Variants in KHDRBS2 observed in about 807,000 individuals in gnomAD.
KHDRBS2 encodes KH domain-containing, RNA-binding, signal transduction-associated protein 2.
Under a neutral mutation model 44.3 loss-of-function variants are expected in KHDRBS2, and 26 were observed. That is an observed-to-expected ratio of 0.59 (90% CI 0.43 to 0.81). The LOEUF (loss-of-function observed/expected upper bound fraction) is 0.81. Ranked by LOEUF, KHDRBS2 falls within the 40% of genes least tolerant of loss-of-function variation. The pLI, the probability that KHDRBS2 is intolerant of heterozygous loss-of-function variation, is 0.00. For synonymous variants in KHDRBS2, 194 were observed against 151.1 expected (o/e 1.28, Z -2.08); for missense variants, 476 against 433.1 (o/e 1.10, Z -0.88).
chr6:61,669,842 A>T, the KHDRBS2 span, among the ~76,000 whole-genome samples: 2 of 151,026 alleles, frequency 1.3e-5, no homozygotes, highest in Non-Finnish European at 3.0e-5. Flanking sequence ...ACATGATACA[A>T]CTTTAATCAT....
chr6:61,763,516 C>T (rs1375268952), intron 6 of KHDRBS2, among the ~76,000 whole-genome samples: 2 of 152,092 alleles, frequency 1.3e-5, no homozygotes, highest in Non-Finnish European at 2.9e-5. Context: ...AATTTCCGAC[C>T]AAGTTCTAAA....
chr6:61,676,977 C>T (rs394799), downstream of KHDRBS2, among the ~76,000 whole-genome samples: 123,747 of 151,842 alleles, frequency 0.81, 51,191 homozygotes, highest in Non-Finnish European at 0.9. Context: ...ATCAGGCTTA[C>T]GTTACTCAAA....
intron 4 of KHDRBS2, among the ~76,000 whole-genome samples, chr6:61,930,192 C>A (rs1182648650): frequency 2.0e-5 from 3 of 152,096 alleles, no homozygotes; most frequent in Non-Finnish European, 4.4e-5. Context: ...CTCTACCAGA[C>A]AACAAACCTG....
intron 3 of KHDRBS2, among the ~76,000 whole-genome samples, chr6:62,002,685 G>A (rs1476109791): frequency 6.6e-6 from 1 of 150,912 alleles, no homozygotes; most frequent in African/African-American, 2.4e-5. Context: ...TTACAAAGAA[G>A]GTAATATAAA....
the KHDRBS2 span, among the ~76,000 whole-genome samples, chr6:61,661,802 C>T: frequency 9.2e-5 from 14 of 151,934 alleles, no homozygotes; most frequent in Non-Finnish European, 1.9e-4. Context: ...GAATCAATAT[C>T]GTGAAAATGG....
At chr6:61,776,531 G>A (rs1265287998) in intron 6 of KHDRBS2, among the ~76,000 whole-genome samples, 1 of 152,172 alleles carries the variant, frequency 6.6e-6, no homozygotes, top group East Asian at 1.9e-4. Flanking sequence ...AAGAACACAT[G>A]AAAAAATGCT....
At chr6:61,725,938 ACTC>A (rs1279230698) in intron 7 of KHDRBS2, among the ~76,000 whole-genome samples, 1 of 152,114 alleles carries the variant, frequency 6.6e-6, no homozygotes, top group Non-Finnish European at 1.5e-5. Context: ...CTCCTCCTAA[ACTC>A]CTTCTATGAG....
chr6:62,227,561 T>C (rs758889370), intron 1 of KHDRBS2, among the ~76,000 whole-genome samples: 4 of 152,300 alleles, frequency 2.6e-5, no homozygotes, highest in East Asian at 1.9e-4. Flanking sequence ...CAATACTATA[T>C]TGAATAGGAG....
chr6:61,962,367 G>A (rs1276637562), intron 4 of KHDRBS2, among the ~76,000 whole-genome samples: 1 of 152,066 alleles, frequency 6.6e-6, no homozygotes, highest in South Asian at 2.1e-4. Context: ...AAAACTTGCT[G>A]CTCTAACACA....
At chr6:62,108,894 A>G (rs1804263789) in intron 2 of KHDRBS2, among the ~76,000 whole-genome samples, 1 of 152,134 alleles carries the variant, frequency 6.6e-6, no homozygotes, top group Admixed American at 6.5e-5. Flanking sequence ...GGAATTGAAC[A>G]ATGAGAACAC....
the KHDRBS2 span, among the ~76,000 whole-genome samples, chr6:61,647,071 G>C: frequency 6.6e-6 from 1 of 151,914 alleles, no homozygotes; most frequent in African/African-American, 2.4e-5. Flanking sequence ...CACCCGCCTC[G>C]GCCTCCCAAA....
chr6:62,256,665 T>C (rs1322407842), intron 1 of KHDRBS2, among the ~76,000 whole-genome samples: 5 of 152,072 alleles, frequency 3.3e-5, no homozygotes, highest in African/African-American at 9.7e-5. Flanking sequence ...TACATACTTG[T>C]ATCTACTTTA....
intron 6 of KHDRBS2, among the ~76,000 whole-genome samples, chr6:61,884,808 ACAGT>A (rs1184146479): frequency 4.6e-5 from 7 of 152,244 alleles, no homozygotes; most frequent in Middle Eastern, 3.4e-3. Context: ...CTAAGGTTAC[ACAGT>A]CAGTTTTTTC....
intron 2 of KHDRBS2, among the ~76,000 whole-genome samples, chr6:62,053,349 C>G (rs1268523921): frequency 6.7e-6 from 1 of 149,688 alleles, no homozygotes; most frequent in Non-Finnish European, 1.5e-5. Flanking sequence ...CAAAGCCACT[C>G]ATAAAAGAAA....
chr6:61,908,191 A>T (rs1254664982), intron 4 of KHDRBS2, among the ~76,000 whole-genome samples: 1 of 152,214 alleles, frequency 6.6e-6, no homozygotes, highest in African/African-American at 2.4e-5. Flanking sequence ...GTATTAAAAC[A>T]TCCTGGAGAG....
chr6:62,175,333 C>A (rs1820869383), intron 2 of KHDRBS2, among the ~76,000 whole-genome samples: 1 of 151,314 alleles, frequency 6.6e-6, no homozygotes, highest in South Asian at 2.1e-4. Context: ...TGAGACTATC[C>A]CATAAAACTA....
intron 1 of KHDRBS2, among the ~76,000 whole-genome samples, chr6:62,256,648 G>T (rs1386424417): frequency 6.6e-6 from 1 of 151,932 alleles, no homozygotes; most frequent in African/African-American, 2.4e-5. Context: ...ACATGAAAAC[G>T]GACTAATACA....
At chr6:62,071,772 C>G (rs138507997) in intron 2 of KHDRBS2, among the ~76,000 whole-genome samples, 1 of 151,988 alleles carries the variant, frequency 6.6e-6, no homozygotes, top group Non-Finnish European at 1.5e-5. Flanking sequence ...AGTCAGGTAG[C>G]GTGATGCCTC....
At chr6:61,587,500 G>A in the KHDRBS2 span, among the ~76,000 whole-genome samples, 7 of 151,830 alleles carry the variant, frequency 4.6e-5, no homozygotes, top group Non-Finnish European at 7.4e-5. Flanking sequence ...TTATTTTTGT[G>A]GTATTTCAAT....
Sources: gnomAD v4.1 joint callset for allele counts (sites outside exome capture counted in the v4.1 genomes callset) on GRCh38, gnomAD v4.1.1 for gene constraint, MANE v1.5 for transcripts, NCBI Gene and HGNC (gene_info 2026-07-23, HGNC 2026-07-21) for gene names.